ADSS1: variants seen among roughly 807,000 people sequenced by gnomAD.
The protein encoded by ADSS1 is adenylosuccinate synthetase isozyme 1.
In ADSS1, 57 loss-of-function variants were observed where a neutral mutation model predicts 59.1. The ratio of observed to expected loss-of-function variants is 0.97; its 90% CI spans 0.78 to 1.20. The LOEUF (loss-of-function observed/expected upper bound fraction) is 1.20, where lower values mean the gene tolerates loss of function less well. Among genes scored for constraint, ADSS1 ranks in the 50% most tolerant of loss-of-function variants. The probability of loss-of-function intolerance (pLI) is 0.00; values close to 1 mark genes in which losing one functional copy is unlikely to be tolerated. For synonymous variants in ADSS1, 247 were observed against 249.4 expected (o/e 0.99, Z 0.09); for missense variants, 603 against 610.3 (o/e 0.99, Z 0.13).
chr14:104,738,644 C>T (rs995752835), intron 3 of ADSS1, among the ~76,000 whole-genome samples: 8 of 152,216 alleles, frequency 5.3e-5, no homozygotes, highest in Non-Finnish European at 1.0e-4. Flanking sequence ...ATGCTGGTGG[C>T]CTCAGCATCA....
Position 104,724,284 on chromosome 14 carries a change from G to C in ADSS1, c.14G>C (p.Arg5Pro). Reference sequence around the variant, plus strand: ...AGCCAAGCCAGCATGTCGGGGACCCGAGCCTCCAACGACCGGCCCCCCGGC... The same window carrying C: ...AGCCAAGCCAGCATGTCGGGGACCCCAGCCTCCAACGACCGGCCCCCCGGC... Reference protein sequence around the residue: MSGTRASNDRPPGAG... With the variant: MSGTPASNDRPPGAG... The change falls in exon 1 of 13, where the codon CGA (arginine) becomes CCA (proline). Residue 5 changes from arginine to proline, a missense_variant. Coordinates refer to ENST00000330877, the MANE Select transcript of ADSS1 (RefSeq NM_152328.5). The C allele has an allele frequency of 1.6e-6, 2 of 1,230,802 alleles. No homozygotes were observed. The highest frequency in any genetic ancestry group is 2.0e-6 in the Non-Finnish European group (2 of 985,714). The allele number at this position is 1,230,802 out of a possible 1,614,324, so 76.2% of individuals were successfully genotyped here.
chr14:104,731,337 G>A (rs1426961283), intron 1 of ADSS1, among the ~76,000 whole-genome samples: 1 of 152,222 alleles, frequency 6.6e-6, no homozygotes, highest in African/African-American at 2.4e-5. Context: ...CCATGGCTCT[G>A]TGACAGCACC....
rs202092105 is a variant in ADSS1, at chr14:104,724,392, G to C, written c.122G>C (p.Trp41Ser). The change falls in exon 1 of 13, where the codon TGG becomes TCG. Residue 41 changes from tryptophan to serine, a missense_variant. Trp to Ser is a radical substitution (Grantham distance 177). Transcript: ENST00000330877. ...GTGACGGTGGTGCTGGGCGCGCAGT[G>C]GGGGGACGAGGGCAAAGGCAAGGTG... ...SRVTVVLGAQ[W>S]GDEGKGKVVD... is the part of the protein sequence containing the mutation. 17 of 1,259,846 alleles carry C rather than the reference G, an allele frequency of 1.3e-5. No homozygotes were observed. The highest frequency in any genetic ancestry group is 9.0e-5 in the East Asian group (3 of 33,316). 78.0% of individuals were successfully genotyped at this position (1,259,846 alleles called of 1,614,324 possible). A position where few individuals can be genotyped will look rare whatever the true frequency, so the allele number is the denominator to read the frequency against.
rs116211053 is a variant in ADSS1, at chr14:104,729,017, G to A, written c.192+4555G>A. ...ACATGCAGTCCGCTAACGCTGTGGG[G>A]AGGAGAAGGCTCTGGAGCATGGGAG... On this transcript the variant is annotated intron_variant, in intron 1 of 12. Transcript: ENST00000330877. Among the ~76,000 whole-genome samples, 1,210 of 152,306 alleles carry A rather than the reference G, an allele frequency of 7.9e-3. 15 individuals carry two copies. Among genetic ancestry groups the A allele is most frequent in the African/African-American group, 0.027 (1,137 of 41,536 alleles).
intron 1 of ADSS1, 34 bp downstream of exon 1, chr14:104,724,496 G>T: frequency 3.2e-6 from 1 of 310,240 alleles, no homozygotes. Flanking sequence ...CTCCCCCACC[G>T]CCCAGCGAGC....
intron 1 of ADSS1, among the ~76,000 whole-genome samples, chr14:104,724,887 G>A (rs1392892820): frequency 6.6e-6 from 1 of 152,162 alleles, no homozygotes; most frequent in Non-Finnish European, 1.5e-5. Context: ...GGCCTGTCTG[G>A]GTCTGGGATA....
Position 104,741,980 on chromosome 14 carries a change from C to A in ADSS1, c.926C>A (p.Ala309Asp), listed in dbSNP as rs1891379484. The A allele has an allele frequency of 6.2e-7, 1 of 1,613,000 alleles. No homozygotes were observed. The highest frequency in any genetic ancestry group is 1.3e-5 in the African/African-American group (1 of 74,924). Residue 309 changes from alanine to aspartate, a missense_variant, in exon 9 of 13, where the codon GCC becomes GAC. Transcript: ENST00000330877. ...TATACCACACGTGTGGGCATCGGGG[C>A]CTTCCCCACCGAGCAGATCAACGTG... ...KAYTTRVGIG[A>D]FPTEQINEIG... is the part of the protein sequence containing the mutation.
At chr14:104,730,046 G>A (rs1353192792) in intron 1 of ADSS1, 2 of 1,575,580 alleles carry the variant, frequency 1.3e-6, no homozygotes, top group Non-Finnish European at 1.7e-6. Context: ...TGGCCACTCC[G>A]TGCCAGCTCA....
chr14:104,746,890 C>G, intron 12 of ADSS1, 61 bp from the exon 13 acceptor site: 7 of 1,567,552 alleles, frequency 4.5e-6, no homozygotes, highest in Non-Finnish European at 6.2e-6. Flanking sequence ...ACACTAAAGA[C>G]AACTTTTTCT....
At chr14:104,741,589 G>A (rs186712543) in intron 8 of ADSS1, among the ~76,000 whole-genome samples, 29 of 152,186 alleles carry the variant, frequency 1.9e-4, no homozygotes, top group Admixed American at 5.9e-4. Flanking sequence ...CCTCACCCCC[G>A]AGGCGGCCTG....
At chr14:104,725,178 G>A (rs1277482048) in intron 1 of ADSS1, among the ~76,000 whole-genome samples, 1 of 152,182 alleles carries the variant, frequency 6.6e-6, no homozygotes, top group Non-Finnish European at 1.5e-5. Flanking sequence ...GCCCAGGGCT[G>A]GGCCTCTGCC....
At chr14:104,724,753 TA>T (rs944764484) in intron 1 of ADSS1, among the ~76,000 whole-genome samples, 5 of 151,634 alleles carry the variant, frequency 3.3e-5, no homozygotes, top group African/African-American at 1.2e-4. Context: ...ACCCGATCCT[TA>T]GGGGGTGGCG....
chr14:104,741,362 A>G (rs950657253), intron 8 of ADSS1, 119 bp downstream of exon 8: 8 of 1,334,136 alleles, frequency 6.0e-6, no homozygotes, highest in African/African-American at 1.5e-5. Flanking sequence ...CCAAGGCCAC[A>G]GTGCCATCCA....
At chr14:104,743,867 C>T (rs897629907) in intron 10 of ADSS1, among the ~76,000 whole-genome samples, 15 of 152,216 alleles carry the variant, frequency 9.9e-5, no homozygotes, top group Admixed American at 2.6e-4. Flanking sequence ...TTTCCTTGTG[C>T]GCGATGCAGG....
In ADSS1 at chr14:104,739,732, A is replaced by T. The variant is rs763665743; in HGVS notation, c.410-18A>T. Reference sequence around the variant, plus strand: ...TTCTCTCCTGTCTCCTGCTGCCCTCACCTGGCCCGCCCGACAGTGTTTGAT... The same window carrying T: ...TTCTCTCCTGTCTCCTGCTGCCCTCTCCTGGCCCGCCCGACAGTGTTTGAT... On this transcript the variant is annotated intron_variant, in intron 4 of 12. Transcript: ENST00000330877. The T allele has an allele frequency of 2.0e-5, 32 of 1,613,422 alleles. No individual in the cohort carries two copies. Among genetic ancestry groups the T allele is most frequent in the Non-Finnish European group, 2.5e-5 (30 of 1,179,890 alleles).
intron 2 of ADSS1, chr14:104,737,223 C>T (rs183373306): frequency 4.6e-5 from 7 of 152,216 alleles, no homozygotes; most frequent in Admixed American, 2.6e-4. Flanking sequence ...CTAAAACCCC[C>T]GAGCTCCACC....
Position 104,747,229 on chromosome 14 carries a change from G to GA in ADSS1, c.*227dup. On this transcript the variant is annotated 3_prime_UTR_variant, in exon 13 of 13. Transcript: ENST00000330877. Reference sequence around the variant, plus strand: ...TATTCAAAATGAGCCAAAGTGCTCAGAGACCTTCTATGACACATTAGTGTC... The same window carrying GA: ...TATTCAAAATGAGCCAAAGTGCTCAGAAGACCTTCTATGACACATTAGTGTC... 1 of 448,658 alleles carries GA rather than the reference G, an allele frequency of 2.2e-6. No individual in the cohort carries two copies. Among genetic ancestry groups the GA allele is most frequent in the Non-Finnish European group, 4.0e-6 (1 of 251,020 alleles). 27.8% of individuals were successfully genotyped at this position (448,658 alleles called of 1,614,324 possible). A position where few individuals can be genotyped will look rare whatever the true frequency, so the allele number is the denominator to read the frequency against.
intron 10 of ADSS1, 182 bp downstream of exon 10, chr14:104,743,373 T>G (rs1595213375): frequency 1.2e-6 from 1 of 868,866 alleles, no homozygotes; most frequent in Admixed American, 2.8e-5. Flanking sequence ...CTGTGCAGGG[T>G]GTGTTGGAGC....
rs1314037631 is a variant in ADSS1 at position 104,740,895 on chromosome 14, T to C, written c.641T>C (p.Ile214Thr). Residue 214 changes from isoleucine to threonine, a missense_variant, in exon 7 of 13, where the codon ATT becomes ACT. Physicochemically the swap from Ile to Thr is moderately conservative, Grantham distance 89. Transcript: ENST00000330877. The surrounding 1 kb of genome is among the most constrained non-coding windows in gnomAD (Gnocchi z 4.8). Reference sequence around the variant, plus strand: ...ATGTTCCCCACCCTGGAAATAGACATTGAAGGCCAACTCAAAAGGCTCAAG... The same window carrying C: ...ATGTTCCCCACCCTGGAAATAGACACTGAAGGCCAACTCAAAAGGCTCAAG... ...QSMFPTLEID[I>T]EGQLKRLKGF... 2.5e-6 allele frequency: 4 copies of C among 1,613,762 alleles called. No individual in the cohort carries two copies. Among genetic ancestry groups the C allele is most frequent in the Non-Finnish European group, 3.4e-6 (4 of 1,180,000 alleles).
Sources: gnomAD v4.1 joint callset for allele counts (sites outside exome capture counted in the v4.1 genomes callset) on GRCh38, gnomAD v4.1.1 for gene constraint, Gnocchi (gnomAD v3.1) non-coding constraint, MANE v1.5 for transcripts, NCBI Gene and HGNC (gene_info 2026-07-23, HGNC 2026-07-21) for gene names.